Variants in JARID2 observed in about 807,000 individuals in gnomAD.
JARID2 encodes jumonji and AT-rich interaction domain containing 2, also known as protein Jumonji.
In JARID2, 21 loss-of-function variants were observed where a neutral mutation model predicts 125.6. The observed-to-expected ratio is 0.17, with a 90% CI of 0.12 to 0.24. JARID2 has a LOEUF of 0.24. Ranked by LOEUF, JARID2 falls within the 10% of genes least tolerant of loss-of-function variation. JARID2 has a pLI of 1.00. For missense variants in JARID2, 1,303 were observed against 1,639.6 expected (o/e 0.79, Z 3.55); for synonymous variants, 736 against 661.6 (o/e 1.11, Z -1.73).
intron 1 of JARID2, among the ~76,000 whole-genome samples, chr6:15,350,819 G>T (rs1022387136): frequency 6.7e-6 from 1 of 149,554 alleles, no homozygotes; most frequent in Non-Finnish European, 1.5e-5. Context: ...TATTTGGTGT[G>T]GGAGGAATGA....
chr6:15,410,113 T>G, intron 2 of JARID2, 111 bp from the exon 3 acceptor site: 11 of 999,134 alleles, frequency 1.1e-5, no homozygotes, highest in Non-Finnish European at 1.6e-5. Context: ...TAAATTCTCT[T>G]CTATCCACAT....
At chr6:15,356,804 C>T (rs1176330477) in intron 1 of JARID2, among the ~76,000 whole-genome samples, 3 of 152,076 alleles carry the variant, frequency 2.0e-5, no homozygotes, top group African/African-American at 4.8e-5. Flanking sequence ...CACTTGAGGT[C>T]AGGAGTTCAA....
chr6:15,413,023 G>T (rs7749934), intron 3 of JARID2, among the ~76,000 whole-genome samples: 42,764 of 66,728 alleles, frequency 0.64, 12,935 homozygotes, highest in East Asian at 0.73. Flanking sequence ...TTTTTTTTTT[G>T]TTTTTTTTTT....
At chr6:15,413,240 C>CAG (rs1765982716) in intron 3 of JARID2, among the ~76,000 whole-genome samples, 1 of 151,878 alleles carries the variant, frequency 6.6e-6, no homozygotes, top group Admixed American at 6.6e-5. Context: ...GCTGGTCTCC[C>CAG]TACTTCAGGT....
At chr6:15,418,708 T>G (rs554043342) in intron 3 of JARID2, among the ~76,000 whole-genome samples, 1 of 152,312 alleles carries the variant, frequency 6.6e-6, no homozygotes, top group South Asian at 2.1e-4. Context: ...TTAAACACTG[T>G]TTGTCCTATT....
At chr6:15,387,841 T>G (rs1294679603) in intron 2 of JARID2, among the ~76,000 whole-genome samples, 1 of 152,052 alleles carries the variant, frequency 6.6e-6, no homozygotes, top group Non-Finnish European at 1.5e-5. Context: ...TTGTCATAGA[T>G]TATTTGGGGA....
At chr6:15,295,727 A>G (rs948069439) in intron 1 of JARID2, among the ~76,000 whole-genome samples, 1 of 152,096 alleles carries the variant, frequency 6.6e-6, no homozygotes, top group African/African-American at 2.4e-5. Context: ...AGAGTGGCAC[A>G]ACCTCGGTTT....
intron 1 of JARID2, among the ~76,000 whole-genome samples, chr6:15,343,824 A>C (rs1763153246): frequency 6.6e-6 from 1 of 152,228 alleles, no homozygotes; most frequent in Non-Finnish European, 1.5e-5. Context: ...TGTTAGATTA[A>C]AAAAACAAAG....
intron 3 of JARID2, among the ~76,000 whole-genome samples, chr6:15,411,050 C>CT (rs1765854330): frequency 6.6e-6 from 1 of 152,200 alleles, no homozygotes; most frequent in Non-Finnish European, 1.5e-5. Flanking sequence ...ATCTACCCTA[C>CT]TTCATACCTG....
chr6:15,379,835 C>T (rs1224873451), intron 2 of JARID2, among the ~76,000 whole-genome samples: 3 of 152,086 alleles, frequency 2.0e-5, no homozygotes, highest in Admixed American at 6.6e-5. Context: ...GATATAAGAC[C>T]AGGCCTTTTG....
chr6:15,491,360 C>A (rs1581637346), intron 6 of JARID2, among the ~76,000 whole-genome samples: 1 of 152,244 alleles, frequency 6.6e-6, no homozygotes, highest in East Asian at 1.9e-4. Context: ...GGCTCCTGCC[C>A]ATCTGCTGCT....
chr6:15,372,840 C>A (rs1486752745), intron 1 of JARID2, among the ~76,000 whole-genome samples: 1 of 152,108 alleles, frequency 6.6e-6, no homozygotes, highest in Non-Finnish European at 1.5e-5. Context: ...TCCTGAATAG[C>A]TGGGATTACA....
At chr6:15,267,115 A>G (rs1285548025) in intron 1 of JARID2, among the ~76,000 whole-genome samples, 1 of 152,212 alleles carries the variant, frequency 6.6e-6, no homozygotes, top group Non-Finnish European at 1.5e-5. Flanking sequence ...ACTGGATGGC[A>G]AACAGTTAAG....
At chr6:15,267,691 C>T (rs1028669503) in intron 1 of JARID2, among the ~76,000 whole-genome samples, 3 of 152,044 alleles carry the variant, frequency 2.0e-5, no homozygotes, top group East Asian at 3.8e-4. Flanking sequence ...GTTGCGTTCC[C>T]GAGGACCTTA....
At chr6:15,331,174 A>C (rs1163990409) in intron 1 of JARID2, among the ~76,000 whole-genome samples, 1 of 152,068 alleles carries the variant, frequency 6.6e-6, no homozygotes, top group African/African-American at 2.4e-5. Context: ...CTCTACAAAA[A>C]AATACAAAAA....
chr6:15,385,776 T>C (rs1343396427), intron 2 of JARID2, among the ~76,000 whole-genome samples: 2 of 152,262 alleles, frequency 1.3e-5, no homozygotes, highest in South Asian at 2.1e-4. Flanking sequence ...CCACTCTCTG[T>C]TCAGGGGACT....
chr6:15,304,645 T>C (rs1761757532), intron 1 of JARID2, among the ~76,000 whole-genome samples: 1 of 152,170 alleles, frequency 6.6e-6, no homozygotes. Flanking sequence ...TCAACAAATA[T>C]TTATTGAACG....
intron 5 of JARID2, among the ~76,000 whole-genome samples, chr6:15,472,628 A>G (rs948062714): frequency 1.3e-5 from 2 of 152,226 alleles, no homozygotes; most frequent in African/African-American, 4.8e-5. Context: ...GGGGCTGTGC[A>G]GTCTGTTTGC....
intron 5 of JARID2, among the ~76,000 whole-genome samples, chr6:15,474,802 A>G (rs1355681967): frequency 6.6e-6 from 1 of 152,184 alleles, no homozygotes; most frequent in Non-Finnish European, 1.5e-5. Flanking sequence ...GATAATAGTG[A>G]CTTGTCCAGA....
Sources: allele counts gnomAD v4.1 joint callset (sites outside exome capture counted in the v4.1 genomes callset), GRCh38; gene constraint gnomAD v4.1.1; transcripts MANE v1.5; gene names NCBI Gene and HGNC (gene_info 2026-07-23, HGNC 2026-07-21).